The following FER1L5 variants were observed in gnomAD, a reference collection of about 807,000 sequenced individuals.
The protein encoded by FER1L5 is fer-1 like family member 5.
FER1L5 carries 187 observed loss-of-function variants against 279.9 expected under a neutral mutation model. That is an observed-to-expected ratio of 0.67 (90% CI 0.59 to 0.75). The LOEUF is 0.75. Among genes scored for constraint, FER1L5 ranks in the 30% least tolerant of loss-of-function variants. FER1L5 has a pLI of 0.00. For synonymous variants in FER1L5, 921 were observed against 989.7 expected (o/e 0.93, Z 1.30); for missense variants, 2,091 against 2,594.4 (o/e 0.81, Z 4.21).
intron 14 of FER1L5, among the ~76,000 whole-genome samples, chr2:96,664,747 G>A (rs2076071130): frequency 6.6e-6 from 1 of 152,170 alleles, no homozygotes; most frequent in African/African-American, 2.4e-5. Context: ...CAATGAGTGG[G>A]TCATACAACT....
In FER1L5 at chr2:96,688,093, GA is replaced by G. The variant is rs1018006581; in HGVS notation, c.2361+152del. The G allele has an allele frequency of 3.0e-5, 34 of 1,149,090 alleles. No homozygotes were observed. In the African/African-American group the frequency reaches 4.8e-4, roughly 16 times the overall value. 71.2% of individuals were successfully genotyped at this position (1,149,090 alleles called of 1,614,324 possible). On this transcript the variant is annotated intron_variant, in intron 24 of 52. Coordinates refer to ENST00000624922, the MANE Select transcript of FER1L5 (RefSeq NM_001293083.2). ...GCAGTAGCCCTGCACTGAAGAGGAA[GA>G]AAAAATTCCTGACCGAAACTGAGGG...
chr2:96,652,940 C>T (rs1028872002), intron 7 of FER1L5: 1 of 152,490 alleles, frequency 6.6e-6, no homozygotes, highest in African/African-American at 2.4e-5. Flanking sequence ...GGAGGCTGGG[C>T]TTGGTGGCTC....
At chr2:96,690,950 G>T (rs2077118092) in intron 27 of FER1L5, among the ~76,000 whole-genome samples, 1 of 152,248 alleles carries the variant, frequency 6.6e-6, no homozygotes, top group Non-Finnish European at 1.5e-5. Context: ...TATGGGCTGT[G>T]TGGCCTTGTG....
Position 96,700,411 on chromosome 2 carries a change from G to C in FER1L5, c.5010G>C (p.Leu1670=), listed in dbSNP as rs1269789438. 6.2e-7 allele frequency: 1 copy of C among 1,613,816 alleles called. No individual in the cohort carries two copies. The highest frequency in any genetic ancestry group is 8.5e-7 in the Non-Finnish European group (1 of 1,179,878). Residue 1670 remains leucine (L), a synonymous_variant, in exon 45 of 53, where the codon CTG becomes CTC. Transcript: ENST00000624922. Reference sequence around the variant, plus strand: ...TGTACCTCCTGCACACCCAGGGGCTGGTACCTGAGCACGTGGAGACCCGCA... The same window carrying C: ...TGTACCTCCTGCACACCCAGGGGCTCGTACCTGAGCACGTGGAGACCCGCA... ...LALYLLHTQG[L]VPEHVETRTL... is the part of the protein sequence containing the mutation.
chr2:96,653,999 T>TC (rs1391458885), intron 8 of FER1L5: 5 of 437,334 alleles, frequency 1.1e-5, no homozygotes, highest in Non-Finnish European at 1.6e-5. Flanking sequence ...AGTAGAATAC[T>TC]CCATTCCCTA....
At chr2:96,646,295 G>A (rs2075126067) in intron 1 of FER1L5, 106 bp from the exon 2 acceptor site, 2 of 1,254,030 alleles carry the variant, frequency 1.6e-6, no homozygotes, top group African/African-American at 1.5e-5. Context: ...ACCATGCCCG[G>A]CCGACTTGAA....
At chr2:96,660,002 C>A (rs1314044651) in intron 9 of FER1L5, among the ~76,000 whole-genome samples, 1 of 152,210 alleles carries the variant, frequency 6.6e-6, no homozygotes, top group South Asian at 2.1e-4. Context: ...TAACCATCCT[C>A]TTCCCCAGGA....
At chr2:96,659,464 T>C (rs747198243) in intron 9 of FER1L5, among the ~76,000 whole-genome samples, 1,054 of 27,090 alleles carry the variant, frequency 0.039, 43 homozygotes, top group Non-Finnish European at 0.047. Context: ...TTTCTTTCTT[T>C]CTTTCTTTCT....
In FER1L5 at chr2:96,689,665, C is replaced by T; in HGVS notation, c.2547C>T (p.Ile849=). 1 of 1,551,150 alleles carries T rather than the reference C, an allele frequency of 6.4e-7. No homozygotes were observed. The highest frequency in any genetic ancestry group is 1.2e-5 in the South Asian group (1 of 84,054). The part of the protein sequence containing the change: ...PQRRLLLDID[I]NKSQVLEEVY... ...CCAGGCTCCTCCTGGACATAGACAT[C>T]AACAAGAGCCAGGTGCTGGAGGAGG... is the stretch of plus-strand genomic sequence containing the variant. The change falls in exon 26 of 53, where the codon ATC becomes ATT. Residue 849 remains isoleucine, a synonymous_variant. Transcript: ENST00000624922. The surrounding 1 kb of genome is among the most constrained non-coding windows in gnomAD (Gnocchi z 4.6).
At chr2:96,661,107 A>T (rs1325376654) in intron 10 of FER1L5, among the ~76,000 whole-genome samples, 1 of 152,194 alleles carries the variant, frequency 6.6e-6, no homozygotes, top group East Asian at 1.9e-4. Context: ...AGGCATAAAC[A>T]GGGGTCCCTG....
chr2:96,658,503 C>T (rs1315150859), intron 9 of FER1L5, among the ~76,000 whole-genome samples: 3 of 150,594 alleles, frequency 2.0e-5, no homozygotes, highest in Non-Finnish European at 4.4e-5. Context: ...TAGCCCGCCT[C>T]GGCCTCCCAA....
chr2:96,654,280 T>A (rs2075503151), intron 8 of FER1L5, 166 bp from the exon 9 acceptor site: 1 of 390,850 alleles, frequency 2.6e-6, no homozygotes. Context: ...CCTCACAGGG[T>A]TCCTCTGAGA....
chr2:96,702,190 G>A lies in FER1L5; in HGVS notation c.5160-116G>A, dbSNP rs900763306. 2.1e-5 allele frequency: 33 copies of A among 1,560,700 alleles called. No homozygotes were observed. The highest frequency in any genetic ancestry group is 2.7e-5 in the Non-Finnish European group (31 of 1,153,018). ...GCTCTACTGGGAGCTTTCTTCCCCT[G>A]AATTCCCCACACTGAGCAAAAACAC... On this transcript the variant is annotated intron_variant, in intron 46 of 52. Transcript: ENST00000624922. The surrounding 1 kb of genome is among the most constrained non-coding windows in gnomAD (Gnocchi z 4.0).
At chr2:96,643,018 G>T in intron 1 of FER1L5, 97 bp downstream of exon 1, 1 of 1,028,108 alleles carries the variant, frequency 9.7e-7, no homozygotes, top group Non-Finnish European at 1.4e-6. Flanking sequence ...CTACATAAAA[G>T]ATGCCCTGTG....
In FER1L5 at chr2:96,659,288, GCTTT is replaced by G. The variant is rs1282298120; in HGVS notation, c.748-1051_748-1048del. ...ATTTTGATGAAGTCCAATTTATCAA[GCTTT>G]CCTTCCTTCCTTCCTTCCTTCCTTC... is the stretch of plus-strand genomic sequence containing the variant. On this transcript the variant is annotated intron_variant, in intron 9 of 52. Transcript: ENST00000624922. 6.2e-3 allele frequency among the ~76,000 whole-genome samples: 620 copies of G among 100,178 alleles called. 41 individuals are homozygous for G. The highest frequency in any genetic ancestry group is 0.037 in the Middle Eastern group (6 of 164). 65.7% of individuals were successfully genotyped at this position (100,178 alleles called of 152,430 possible).
intron 7 of FER1L5, 168 bp downstream of exon 7, chr2:96,652,188 C>T: frequency 1.1e-6 from 1 of 943,006 alleles, no homozygotes; most frequent in Non-Finnish European, 1.6e-6. Flanking sequence ...AACAGTATAA[C>T]TCAGAGCCCT....
chr2:96,644,495 G>C (rs1463169547), intron 1 of FER1L5, among the ~76,000 whole-genome samples: 1 of 151,690 alleles, frequency 6.6e-6, no homozygotes, highest in Non-Finnish European at 1.5e-5. Flanking sequence ...GAAAGAAAGA[G>C]AGAAAGAGAG....
At chr2:96,653,730 G>C (rs1231663388) in intron 8 of FER1L5, 28 bp downstream of exon 8, 3 of 1,537,416 alleles carry the variant, frequency 2.0e-6, no homozygotes, top group Non-Finnish European at 2.6e-6. Context: ...TCCCCAGCAA[G>C]GTGGGTTTCT....
At position 96,683,116 on chromosome 2, in the gene FER1L5, G is replaced by A. The variant is rs57466216; in HGVS notation, c.1670-1211G>A. On this transcript the variant is annotated intron_variant, in intron 19 of 52. Coordinates refer to ENST00000624922, the MANE Select transcript of FER1L5 (RefSeq NM_001293083.2). The stretch of plus-strand genomic sequence containing the variant: ...TGTGATGGGTCAGTTCTCATTCCCC[G>A]GCCCCAACGGCTTAGGGTTTGGAGT... Among the ~76,000 whole-genome samples the A allele has an allele frequency of 6.9e-3, 1,047 of 152,190 alleles. 8 individuals are homozygous for A. Among genetic ancestry groups the A allele is most frequent in the African/African-American group, 0.024 (1,006 of 41,520 alleles).
Sources: allele counts gnomAD v4.1 joint callset (sites outside exome capture counted in the v4.1 genomes callset), GRCh38; gene constraint gnomAD v4.1.1; non-coding constraint Gnocchi (gnomAD v3.1); transcripts MANE v1.5; gene names NCBI Gene and HGNC (gene_info 2026-07-23, HGNC 2026-07-21).